CPS1: variants seen among roughly 807,000 people sequenced by gnomAD.
CPS1 encodes carbamoyl-phosphate synthase [ammonia], mitochondrial.
CPS1 carries 109 observed loss-of-function variants against 174.6 expected under a neutral mutation model. That is an observed-to-expected ratio of 0.62 (90% CI 0.53 to 0.73). CPS1 has a LOEUF of 0.73. Among genes scored for constraint, CPS1 ranks in the 30% least tolerant of loss-of-function variants. The probability of loss-of-function intolerance (pLI) is 0.00; values close to 1 mark genes in which losing one functional copy is unlikely to be tolerated. For synonymous variants in CPS1, 637 were observed against 632.0 expected, an observed-to-expected ratio of 1.01 and a Z score of -0.12; for missense variants, 1,689 against 1,821.9, an observed-to-expected ratio of 0.93 and a Z score of 1.33.
intron 1 of CPS1, among the ~76,000 whole-genome samples, chr2:210,479,572 G>A (rs1007135540): frequency 6.6e-6 from 1 of 152,056 alleles, no homozygotes; most frequent in Non-Finnish European, 1.5e-5. Context: ...CAAGTGATAT[G>A]CCTGACTTGG....
intron 1 of CPS1, among the ~76,000 whole-genome samples, chr2:210,563,440 G>A (rs1479089686): frequency 6.6e-6 from 1 of 152,110 alleles, no homozygotes; most frequent in East Asian, 1.9e-4. Context: ...ATTGTCATGT[G>A]TTTGTAACAA....
intron 25 of CPS1, among the ~76,000 whole-genome samples, 174 bp from the exon 26 acceptor site, chr2:210,647,689 G>A (rs1700423032): frequency 6.6e-6 from 1 of 152,160 alleles, no homozygotes; most frequent in Admixed American, 6.5e-5. Flanking sequence ...TAGCATCTAA[G>A]TGCCAGAAAG....
chr2:210,641,100 AC>A (rs1700209770), intron 24 of CPS1, among the ~76,000 whole-genome samples: 1 of 152,090 alleles, frequency 6.6e-6, no homozygotes. Context: ...CACAAAGGGA[AC>A]AAATTCCCTC....
intron 17 of CPS1, among the ~76,000 whole-genome samples, chr2:210,606,385 G>A (rs1032484569): frequency 6.6e-6 from 1 of 151,878 alleles, no homozygotes; most frequent in Admixed American, 6.6e-5. Context: ...CAGAAAGCCA[G>A]CTGATGAGCC....
intron 1 of CPS1, among the ~76,000 whole-genome samples, chr2:210,513,849 C>T (rs1695600837): frequency 6.6e-6 from 1 of 151,912 alleles, no homozygotes; most frequent in African/African-American, 2.4e-5. Context: ...AATCCATCTT[C>T]AGTGGCTTTT....
intron 1 of CPS1, among the ~76,000 whole-genome samples, chr2:210,571,852 AGTTTGTGTGTGTGTGTGTGTGTGTGT>A (rs1202437047): frequency 1.6e-5 from 2 of 121,846 alleles, no homozygotes; most frequent in Non-Finnish European, 3.4e-5. Flanking sequence ...TGCCTACTAA[AGTTTGTGTGTGTGTGTGTGTGTGTGT>A]GTGTGTGTGT....
At chr2:210,668,406 A>G (rs1428918830) in intron 34 of CPS1, 122 bp downstream of exon 34, 12 of 768,060 alleles carry the variant, frequency 1.6e-5, no homozygotes, top group East Asian at 2.5e-5. Flanking sequence ...GTTTATGGCA[A>G]CTTCCAGGAA....
intron 1 of CPS1, among the ~76,000 whole-genome samples, chr2:210,495,924 C>A (rs1694981124): frequency 6.6e-6 from 1 of 151,824 alleles, no homozygotes; most frequent in Non-Finnish European, 1.5e-5. Flanking sequence ...CCTTACCTCC[C>A]TCTTTTCTTT....
chr2:210,506,224 G>A (rs773281330), intron 1 of CPS1, among the ~76,000 whole-genome samples: 23 of 152,074 alleles, frequency 1.5e-4, no homozygotes, highest in South Asian at 8.3e-4. Context: ...TTTGCTGTTC[G>A]CCAATATCCG....
intron 22 of CPS1, among the ~76,000 whole-genome samples, chr2:210,638,584 C>A (rs756965231): frequency 7.2e-5 from 11 of 152,316 alleles, no homozygotes; most frequent in Non-Finnish European, 1.5e-4. Flanking sequence ...CTGCCTTACA[C>A]CAGCTTGCCC....
chr2:210,538,959 CACTT>C (rs747356995), intron 1 of CPS1, among the ~76,000 whole-genome samples: 2 of 152,074 alleles, frequency 1.3e-5, no homozygotes, highest in Admixed American at 6.5e-5. Flanking sequence ...TTTTTCTAGT[CACTT>C]ACAGGTAAAA....
chr2:210,487,742 C>T (rs1374210452), intron 1 of CPS1, among the ~76,000 whole-genome samples: 9 of 151,978 alleles, frequency 5.9e-5, no homozygotes, highest in African/African-American at 1.9e-4. Flanking sequence ...CTTTTCCCCA[C>T]AGTTTGGCTT....
At chr2:210,665,641 C>T (rs1324384686) in intron 33 of CPS1, among the ~76,000 whole-genome samples, 16 of 151,850 alleles carry the variant, frequency 1.1e-4, no homozygotes, top group Non-Finnish European at 1.0e-4. Context: ...CATGTCCCTA[C>T]AAAGGACATG....
At chr2:210,592,307 A>G (rs998377753) in intron 10 of CPS1, among the ~76,000 whole-genome samples, 1 of 152,006 alleles carries the variant, frequency 6.6e-6, no homozygotes, top group South Asian at 2.1e-4. Context: ...AAAAACAGCT[A>G]TAGGTTTTCT....
intron 1 of CPS1, among the ~76,000 whole-genome samples, chr2:210,493,102 A>G (rs543714960): frequency 2.4e-4 from 36 of 152,306 alleles, no homozygotes; most frequent in African/African-American, 8.7e-4. Flanking sequence ...TTTCAGTTAT[A>G]TATTAGTGAA....
Position 210,612,358 on chromosome 2 carries a change from T to G in CPS1, c.2568+65T>G, listed in dbSNP as rs986040659. ...TCCAGAATGTAGTCAGTCTGGACATTAAAATAAAACTGAATCACAAAGTGG... is the reference window on the plus strand; with the variant it reads ...TCCAGAATGTAGTCAGTCTGGACATGAAAATAAAACTGAATCACAAAGTGG... On this transcript the variant is annotated intron_variant, in intron 20 of 37. Coordinates refer to ENST00000233072, the MANE Select transcript of CPS1 (RefSeq NM_001875.5). 3 of 1,568,690 alleles carry G rather than the reference T, an allele frequency of 1.9e-6. No homozygotes were observed. The African/African-American group carries it at 4.1e-5, about 21-fold the overall frequency.
intron 1 of CPS1, among the ~76,000 whole-genome samples, chr2:210,536,483 G>T (rs1449016595): frequency 6.6e-6 from 1 of 151,954 alleles, no homozygotes; most frequent in Non-Finnish European, 1.5e-5. Context: ...ACCATGTCCG[G>T]CTAATTTATT....
chr2:210,668,633 G>A (rs575030977), intron 34 of CPS1, among the ~76,000 whole-genome samples: 98 of 152,154 alleles, frequency 6.4e-4, no homozygotes, highest in African/African-American at 2.3e-3. Flanking sequence ...CCTGAACATA[G>A]GCATTATATG....
Position 210,678,668 on chromosome 2 carries a change from C to G in CPS1, c.*683C>G, listed in dbSNP as rs968859728. On this transcript the variant is annotated 3_prime_UTR_variant, in exon 38 of 38. Coordinates refer to ENST00000233072, the MANE Select transcript of CPS1 (RefSeq NM_001875.5). ...AGTGCAGTGGCACAATCTCGGCTCA[C>G]TGCAATTTCCGTCTCCCAAGTTCAA... 6.5e-6 allele frequency: 1 copy of G among 153,064 alleles called. No individual in the cohort carries two copies. The highest frequency in any genetic ancestry group is 1.5e-5 in the Non-Finnish European group (1 of 68,790). The allele number at this position is 153,064 out of a possible 1,614,324, so 9.5% of individuals were successfully genotyped here. A position where few individuals can be genotyped will look rare whatever the true frequency, so the allele number is the denominator to read the frequency against.
Sources: allele counts gnomAD v4.1 joint callset (sites outside exome capture counted in the v4.1 genomes callset), GRCh38; gene constraint gnomAD v4.1.1; transcripts MANE v1.5; gene names NCBI Gene and HGNC (gene_info 2026-07-23, HGNC 2026-07-21).